The following FYN variants were observed in gnomAD, a reference collection of about 807,000 sequenced individuals.
The protein encoded by FYN is FYN proto-oncogene, Src family tyrosine kinase.
FYN carries 10 observed loss-of-function variants against 70.2 expected under a neutral mutation model. That is an observed-to-expected ratio of 0.14 (90% CI 0.09 to 0.24). The LOEUF (loss-of-function observed/expected upper bound fraction) is 0.24. FYN is among the 10% of genes least tolerant of loss of function. The probability of loss-of-function intolerance (pLI) is 1.00; values close to 1 mark genes in which losing one functional copy is unlikely to be tolerated. For missense variants in FYN, 319 were observed against 673.1 expected (o/e 0.47, Z 5.82); for synonymous variants, 236 against 248.6 (o/e 0.95, Z 0.48).
In FYN at chr6:111,694,565, G is replaced by A. The variant is rs376867074; in HGVS notation, c.1120-37C>T. ...CAGGGAACAGGACATGTTACACCAC[G>A]ACCCAATGTACTTAGACACGTCATT... On this transcript the variant is annotated intron_variant, in intron 11 of 13. Transcript: ENST00000354650. The surrounding 1 kb of genome is among the most constrained non-coding windows in gnomAD (Gnocchi z 5.0). 5 of 1,613,648 alleles carry A rather than the reference G, an allele frequency of 3.1e-6. No individual in the cohort carries two copies. Among genetic ancestry groups the A allele is most frequent in the African/African-American group, 1.3e-5 (1 of 74,928 alleles).
At chr6:111,703,140 A>G in intron 7 of FYN, 106 bp from the exon 8 acceptor site, 1 of 891,944 alleles carries the variant, frequency 1.1e-6, no homozygotes, top group Non-Finnish European at 1.7e-6. Flanking sequence ...GGATGCACAC[A>G]CACATGTACA....
intron 2 of FYN, among the ~76,000 whole-genome samples, chr6:111,798,055 T>C (rs543754158): frequency 1.8e-4 from 28 of 152,270 alleles, no homozygotes; most frequent in Admixed American, 1.7e-3. Flanking sequence ...TGAGTCACCG[T>C]GCCCGACCCT....
rs747793778 is a variant in FYN at position 111,674,523 on chromosome 6, T to C, written c.1381A>G (p.Thr461Ala). 2.5e-6 allele frequency: 4 copies of C among 1,613,728 alleles called. No homozygotes were observed. The Admixed American group carries it at 6.7e-5, about 27-fold the overall frequency. ...CCTGGGTATGGCACTCTTCCTTTGG[T>C]GACCAGCTCTGTGAGTAAGATTCCA... ...SFGILLTELVTKGRVPYPGMN... is the reference protein window; with the variant it reads ...SFGILLTELVAKGRVPYPGMN... The change falls in exon 13 of 14, where the codon ACC becomes GCC. Residue 461 changes from threonine to alanine, a missense_variant. Physicochemically the swap from Thr to Ala is moderately conservative, Grantham distance 58 (BLOSUM62 0). Around this residue, in one of 4 missense-constraint regions of FYN, gnomAD observed 64 missense variants for 223.0 expected, o/e 0.29. Coordinates refer to ENST00000354650, the MANE Select transcript of FYN (RefSeq NM_002037.5).
chr6:111,734,472 AT>A (rs1801615570), intron 3 of FYN, among the ~76,000 whole-genome samples: 1 of 152,186 alleles, frequency 6.6e-6, no homozygotes, highest in Admixed American at 6.5e-5. Context: ...CAGAAGACCT[AT>A]GTCCTCCACT....
intron 12 of FYN, among the ~76,000 whole-genome samples, chr6:111,677,188 A>C (rs559358696): frequency 5.0e-4 from 76 of 152,352 alleles, no homozygotes; most frequent in African/African-American, 1.8e-3. Flanking sequence ...TGGAGGAATA[A>C]AACATAATGT....
At chr6:111,791,037 T>C (rs1330092439) in intron 2 of FYN, among the ~76,000 whole-genome samples, 1 of 152,176 alleles carries the variant, frequency 6.6e-6, no homozygotes, top group Non-Finnish European at 1.5e-5. Flanking sequence ...CTAGGTCTTT[T>C]TTTTCTGATG....
chr6:111,679,321 G>A (rs1320993255), intron 12 of FYN, among the ~76,000 whole-genome samples: 1 of 152,150 alleles, frequency 6.6e-6, no homozygotes, highest in Non-Finnish European at 1.5e-5. Context: ...CTCCCTCTTT[G>A]TAGTTGTCAC....
chr6:111,853,118 C>CG (rs1773730606), intron 1 of FYN, among the ~76,000 whole-genome samples: 1 of 151,910 alleles, frequency 6.6e-6, no homozygotes, highest in African/African-American at 2.4e-5. Context: ...AAAAAGTCTT[C>CG]ATCTAATGTT....
chr6:111,821,788 G>C (rs530918549), intron 2 of FYN, among the ~76,000 whole-genome samples: 109 of 150,464 alleles, frequency 7.2e-4, no homozygotes, highest in African/African-American at 2.6e-3. Flanking sequence ...AAATTTACAA[G>C]AAAAAAAAAC....
chr6:111,871,365 G>A (rs1774268244), intron 1 of FYN, among the ~76,000 whole-genome samples: 1 of 152,222 alleles, frequency 6.6e-6, no homozygotes, highest in Admixed American at 6.5e-5. Context: ...ATGGAGCAGG[G>A]ACTGGGGAAG....
Position 111,706,043 on chromosome 6 carries a change from G to A in FYN, c.443+1879C>T, listed in dbSNP as rs539611363. On this transcript the variant is annotated intron_variant, in intron 6 of 13. Coordinates refer to ENST00000354650, the MANE Select transcript of FYN (RefSeq NM_002037.5). ...AAAAGCATGCCCTTAAAATGACTTG[G>A]TGTTGCAGATATTTCAATATATTAT... 9.5e-4 allele frequency among the ~76,000 whole-genome samples: 145 copies of A among 152,274 alleles called. 1 individual carries two copies. The highest frequency in any genetic ancestry group is 3.4e-3 in the African/African-American group (143 of 41,526).
At chr6:111,698,881 G>A (rs1467042540) in intron 9 of FYN, among the ~76,000 whole-genome samples, 3 of 152,064 alleles carry the variant, frequency 2.0e-5, no homozygotes, top group Non-Finnish European at 4.4e-5. Context: ...TCAGGAGATC[G>A]AGACCATTCT....
At chr6:111,786,445 C>A (rs1350119354) in intron 2 of FYN, among the ~76,000 whole-genome samples, 1 of 152,174 alleles carries the variant, frequency 6.6e-6, no homozygotes, top group African/African-American at 2.4e-5. Context: ...ACATTTTCTT[C>A]ATCCAGTCTA....
chr6:111,699,801 G>A, intron 9 of FYN: 1 of 893,130 alleles, frequency 1.1e-6, no homozygotes, highest in Non-Finnish European at 1.7e-6. Flanking sequence ...GAAATGAAGA[G>A]CAAGATATTT....
At chr6:111,770,054 T>A (rs1017120690) in intron 3 of FYN, among the ~76,000 whole-genome samples, 1 of 152,112 alleles carries the variant, frequency 6.6e-6, no homozygotes, top group African/African-American at 2.4e-5. Context: ...TTAAAGAACA[T>A]AGCTGGGTGT....
chr6:111,808,139 C>A (rs921499853), intron 2 of FYN, among the ~76,000 whole-genome samples: 1 of 152,030 alleles, frequency 6.6e-6, no homozygotes, highest in Non-Finnish European at 1.5e-5. Flanking sequence ...ACAAAAAAAA[C>A]CTGAGATCAG....
At chr6:111,814,997 T>C (rs1052719713) in intron 2 of FYN, among the ~76,000 whole-genome samples, 2 of 152,214 alleles carry the variant, frequency 1.3e-5, no homozygotes, top group Non-Finnish European at 2.9e-5. Context: ...TGTACACAGG[T>C]GTGCTTTAAA....
At chr6:111,677,388 C>T (rs1326637747) in intron 12 of FYN, among the ~76,000 whole-genome samples, 1 of 152,228 alleles carries the variant, frequency 6.6e-6, no homozygotes, top group Non-Finnish European at 1.5e-5. Flanking sequence ...CTCTTGGACA[C>T]ATCTCATTAC....
intron 9 of FYN, among the ~76,000 whole-genome samples, chr6:111,698,265 C>T (rs1250787472): frequency 1.3e-5 from 2 of 152,158 alleles, no homozygotes; most frequent in Non-Finnish European, 2.9e-5. Flanking sequence ...TCCTGAGTAG[C>T]TGGGATTACA....
Sources: gnomAD v4.1 joint callset for allele counts (sites outside exome capture counted in the v4.1 genomes callset) on GRCh38, gnomAD v4.1.1 for gene constraint, gnomAD v4.1.1 regional missense constraint, Gnocchi (gnomAD v3.1) non-coding constraint, MANE v1.5 for transcripts, NCBI Gene and HGNC (gene_info 2026-07-23, HGNC 2026-07-21) for gene names.